Variants in SEMA6B observed in about 807,000 individuals in gnomAD.
SEMA6B encodes semaphorin-6B.
Under a neutral mutation model 78.6 loss-of-function variants are expected in SEMA6B, and 47 were observed. That is an observed-to-expected ratio of 0.60 (90% confidence interval 0.47 to 0.76). SEMA6B has a LOEUF of 0.76. Among genes scored for constraint, SEMA6B ranks in the 30% least tolerant of loss-of-function variants. SEMA6B has a pLI of 0.00. For synonymous variants in SEMA6B, 632 were observed against 592.2 expected, an observed-to-expected ratio of 1.07 and a Z score of -0.98; for missense variants, 1,213 against 1,269.9, an observed-to-expected ratio of 0.96 and a Z score of 0.68.
At position 4,558,172 on chromosome 19, in the gene SEMA6B, G is replaced by T. The variant is rs1183405706; in HGVS notation, c.122-23C>A. The stretch of plus-strand genomic sequence containing the variant: ...GGTCTGAGTGAGGGGGTGGAGAGGG[G>T]TGTGAGCAAGGGCTGGGGGTGAAGA... On this transcript the variant is annotated intron_variant, in intron 2 of 16. Coordinates refer to ENST00000586582, the MANE Select transcript of SEMA6B (RefSeq NM_032108.4). The surrounding 1 kb of genome is among the most constrained non-coding windows in gnomAD (Gnocchi z 5.1). 1 of 1,429,514 alleles carries T rather than the reference G, an allele frequency of 7.0e-7. No homozygotes were observed. The highest frequency in any genetic ancestry group is 2.4e-5 in the Admixed American group (1 of 42,494). The allele number at this position is 1,429,514 out of a possible 1,614,324, so 88.6% of individuals were successfully genotyped here.
At chr19:4,551,381 A>G (rs934183275) in intron 10 of SEMA6B, among the ~76,000 whole-genome samples, 38 of 151,496 alleles carry the variant, frequency 2.5e-4, no homozygotes, top group Non-Finnish European at 4.7e-4. Flanking sequence ...CACCACACCC[A>G]GCTAATTTTT....
In SEMA6B at chr19:4,550,259, C is replaced by T. The variant is rs529978613; in HGVS notation, c.1135G>A (p.Ala379Thr). Residue 379 changes from alanine to threonine, a missense_variant, in exon 12 of 17, where the codon GCA (alanine) becomes ACA (threonine). Coordinates refer to ENST00000586582, the MANE Select transcript of SEMA6B (RefSeq NM_032108.4). The surrounding 1 kb of genome is among the most constrained non-coding windows in gnomAD (Gnocchi z 6.6). ...QVPRPRPGCC[A>T]APGMQYNASS... Reference sequence around the variant, plus strand: ...GCATTGTACTGCATCCCGGGGGCTGCGCAGCACCCGGGCCTGGGGGTGACA... The same window carrying T: ...GCATTGTACTGCATCCCGGGGGCTGTGCAGCACCCGGGCCTGGGGGTGACA... 1.9e-4 allele frequency: 299 copies of T among 1,613,468 alleles called. No individual in the cohort carries two copies. The South Asian group carries it at 2.1e-3, about 11-fold the overall frequency.
In SEMA6B at chr19:4,543,764, G is replaced by A; in HGVS notation, c.2504C>T (p.Pro835Leu). ...CAGGGTGGCGGCCGGAGGGGCGTGGGGGCCCAGTGGCCTCCTCAGGCTGCC... is the reference window on the plus strand; with the variant it reads ...CAGGGTGGCGGCCGGAGGGGCGTGGAGGCCCAGTGGCCTCCTCAGGCTGCC... ...PTGSLRRPLG[P>L]HAPPAATLRR... is the part of the protein sequence containing the mutation. Residue 835 changes from proline (P) to leucine (L), a missense_variant, in exon 17 of 17, where the codon CCC becomes CTC. Coordinates refer to ENST00000586582, the MANE Select transcript of SEMA6B (RefSeq NM_032108.4). 1 of 1,225,038 alleles carries A rather than the reference G, an allele frequency of 8.2e-7. No homozygotes were observed. Among genetic ancestry groups the A allele is most frequent in the Non-Finnish European group, 1.0e-6 (1 of 983,682 alleles). 75.9% of individuals were successfully genotyped at this position (1,225,038 alleles called of 1,614,324 possible).
chr19:4,558,617 A>T lies in SEMA6B; in HGVS notation c.-32-128T>A, dbSNP rs1977540278. The T allele has an allele frequency of 2.2e-6, 1 of 450,774 alleles. No individual in the cohort carries two copies. Among genetic ancestry groups the T allele is most frequent in the Non-Finnish European group, 3.6e-6 (1 of 274,728 alleles). 27.9% of individuals were successfully genotyped at this position (450,774 alleles called of 1,614,324 possible). On this transcript the variant is annotated intron_variant, in intron 1 of 16. Transcript: ENST00000586582. The surrounding 1 kb of genome is among the most constrained non-coding windows in gnomAD (Gnocchi z 5.1). ...CTCACGGGGATAATAATTAATAAAA[A>T]CAATAATGGCAATAATAATAATAAT...
At chr19:4,545,631 C>T (rs1428100761) in intron 16 of SEMA6B, among the ~76,000 whole-genome samples, 11 of 152,332 alleles carry the variant, frequency 7.2e-5, no homozygotes, top group Middle Eastern at 3.4e-3. Flanking sequence ...GGAGCTGCCG[C>T]GCCTGGCCCC....
chr19:4,554,932 C>T (rs760666158), intron 8 of SEMA6B, 44 bp downstream of exon 8: 1 of 1,603,072 alleles, frequency 6.2e-7, no homozygotes, highest in Non-Finnish European at 8.5e-7. Flanking sequence ...ATGTCAGGTT[C>T]TGGGCCCTGC....
In SEMA6B at chr19:4,552,313, C is replaced by G; in HGVS notation, c.989+109G>C. The G allele has an allele frequency of 9.0e-7, 1 of 1,109,428 alleles. No homozygotes were observed. The highest frequency in any genetic ancestry group is 1.3e-6 in the Non-Finnish European group (1 of 777,700). 68.7% of individuals were successfully genotyped at this position (1,109,428 alleles called of 1,614,324 possible). A position where few individuals can be genotyped will look rare whatever the true frequency, so the allele number is the denominator to read the frequency against. On this transcript the variant is annotated intron_variant, in intron 10 of 16. Coordinates refer to ENST00000586582, the MANE Select transcript of SEMA6B (RefSeq NM_032108.4). The surrounding 1 kb of genome is among the most constrained non-coding windows in gnomAD (Gnocchi z 7.4). Reference sequence around the variant, plus strand: ...GGCCGAGGCCTCTCAGAGGTCTAATCCAGTGGTGCCCAACCTAGCACCCAG... The same window carrying G: ...GGCCGAGGCCTCTCAGAGGTCTAATGCAGTGGTGCCCAACCTAGCACCCAG...
intron 3 of SEMA6B, 63 bp downstream of exon 3, chr19:4,557,961 CCT>C (rs145128734): frequency 7.0e-5 from 88 of 1,262,424 alleles, no homozygotes; most frequent in South Asian, 4.2e-4. Context: ...GCCCTCGCCT[CCT>C]CTCTCTCTCC....
chr19:4,558,441 G>A lies in SEMA6B; in HGVS notation c.17C>T (p.Ala6Val), dbSNP rs1279959025. 4 of 1,250,694 alleles carry A rather than the reference G, an allele frequency of 3.2e-6. No homozygotes were observed. The highest frequency in any genetic ancestry group is 7.3e-5 in the South Asian group (2 of 27,518). The allele number at this position is 1,250,694 out of a possible 1,614,324, so 77.5% of individuals were successfully genotyped here. MQTPR[A>V]SPPRPALLLL... ...CAGCAGGGCCGGGCGGGGAGGGGACGCTCGCGGGGTCTGCATGGCGAGGGC... is the reference window on the plus strand; with the variant it reads ...CAGCAGGGCCGGGCGGGGAGGGGACACTCGCGGGGTCTGCATGGCGAGGGC... The change falls in exon 2 of 17, where the codon GCG (alanine) becomes GTG (valine). Residue 6 changes from alanine to valine, a missense_variant. Coordinates refer to ENST00000586582, the MANE Select transcript of SEMA6B (RefSeq NM_032108.4). This position sits in a 1 kb window ranked among gnomAD's most constrained non-coding sequence, Gnocchi z 5.1.
chr19:4,555,562 T>C lies in SEMA6B; in HGVS notation c.474A>G (p.Ile158Met). The change falls in exon 7 of 17, where the codon ATA becomes ATG. Residue 158 changes from isoleucine to methionine, a missense_variant and splice_region_variant. By Grantham distance (10) the Ile-to-Met change is conservative. Transcript: ENST00000586582. The surrounding 1 kb of genome is among the most constrained non-coding windows in gnomAD (Gnocchi z 6.1). ...TGTCTCCGACGGGCTGCAGGGTGTC[T>C]ATCTGCAGGGACCATGGGGCCTGAG... ...AFNPVCANYS[I>M]DTLQPVGDNI... 1 of 1,612,536 alleles carries C rather than the reference T, an allele frequency of 6.2e-7. No individual in the cohort carries two copies. Among genetic ancestry groups the C allele is most frequent in the Non-Finnish European group, 8.5e-7 (1 of 1,179,190 alleles).
intron 5 of SEMA6B, 36 bp downstream of exon 5, chr19:4,556,915 T>C (rs1268507299): frequency 2.5e-6 from 4 of 1,595,632 alleles, no homozygotes; most frequent in Non-Finnish European, 3.4e-6. Context: ...CCAGGGCTGA[T>C]TCGCAGGGGC....
intron 14 of SEMA6B, among the ~76,000 whole-genome samples, chr19:4,547,536 G>C (rs774297733): frequency 7.2e-5 from 11 of 152,142 alleles, no homozygotes; most frequent in Admixed American, 4.6e-4. Flanking sequence ...TGCCAGCACT[G>C]GCATGCATCC....
intron 9 of SEMA6B, among the ~76,000 whole-genome samples, chr19:4,553,953 A>G (rs1173684147): frequency 6.6e-6 from 1 of 152,028 alleles, no homozygotes; most frequent in East Asian, 1.9e-4. Flanking sequence ...GGATGAGTGC[A>G]CGGATGGATG....
chr19:4,553,506 GGA>G (rs1599780420), intron 9 of SEMA6B, among the ~76,000 whole-genome samples: 1 of 149,312 alleles, frequency 6.7e-6, no homozygotes, highest in African/African-American at 2.5e-5. Context: ...GTGTGTGGGT[GGA>G]TGGGCAGATA....
chr19:4,547,407 C>T (rs1477217380), intron 14 of SEMA6B, among the ~76,000 whole-genome samples: 1 of 152,198 alleles, frequency 6.6e-6, no homozygotes, highest in Non-Finnish European at 1.5e-5. Context: ...GAGATGGGAG[C>T]CCAGGCATCG....
chr19:4,555,064 G>A lies in SEMA6B; in HGVS notation c.594C>T (p.Asp198=), dbSNP rs1456618911. The A allele has an allele frequency of 6.2e-6, 10 of 1,613,840 alleles. No homozygotes were observed. Among genetic ancestry groups the A allele is most frequent in the East Asian group, 2.2e-5 (1 of 44,902 alleles). The change falls in exon 8 of 17, where the codon GAC becomes GAT. Residue 198 remains aspartate, a synonymous_variant. Transcript: ENST00000586582. The surrounding 1 kb of genome is among the most constrained non-coding windows in gnomAD (Gnocchi z 6.1). ...AGATGACAGCATCAATGGCTAGGAA[G>A]TCGGTAACAGTAGCTGTGAAGAGCA... ...DGMLFTATVT[D]FLAIDAVIYR...
rs528612222 is a variant in SEMA6B, at chr19:4,552,031, C to T, written c.989+391G>A. On this transcript the variant is annotated intron_variant, in intron 10 of 16. Transcript: ENST00000586582. The surrounding 1 kb of genome is among the most constrained non-coding windows in gnomAD (Gnocchi z 7.4). Reference sequence around the variant, plus strand: ...TGTGCATTCTCCCCTAGTTCCCTTCCCACACAGACTCTCTCACGATTACTT... The same window carrying T: ...TGTGCATTCTCCCCTAGTTCCCTTCTCACACAGACTCTCTCACGATTACTT... Among the ~76,000 whole-genome samples the T allele has an allele frequency of 3.3e-5, 5 of 152,260 alleles. No homozygotes were observed. In the East Asian group the frequency reaches 7.7e-4, roughly 24 times the overall value.
In SEMA6B at chr19:4,543,835, G is replaced by C; in HGVS notation, c.2433C>G (p.Ala811=). Reference sequence around the variant, plus strand: ...GCCGCGGGAGGCCATCGGCGGCTGAGGCTGGGTCCAAGGGGCCCGTGGGCG... The same window carrying C: ...GCCGCGGGAGGCCATCGGCGGCTGACGCTGGGTCCAAGGGGCCCGTGGGCG... The part of the protein sequence containing the change: ...VSAPTGPLDP[A]SAADGLPRPW... The change falls in exon 17 of 17, where the codon GCC becomes GCG. Residue 811 remains alanine, a synonymous_variant. Coordinates refer to ENST00000586582, the MANE Select transcript of SEMA6B (RefSeq NM_032108.4). The C allele has an allele frequency of 8.2e-7, 1 of 1,213,834 alleles. No homozygotes were observed. 75.2% of individuals were successfully genotyped at this position (1,213,834 alleles called of 1,614,324 possible).
intron 16 of SEMA6B, 117 bp downstream of exon 16, chr19:4,546,099 T>A: frequency 9.2e-7 from 1 of 1,091,810 alleles, no homozygotes; most frequent in Non-Finnish European, 1.3e-6. Context: ...AGTTCTCTGA[T>A]GGAGTCCAGT....
Sources: gnomAD v4.1 joint callset for allele counts (sites outside exome capture counted in the v4.1 genomes callset) on GRCh38, gnomAD v4.1.1 for gene constraint, Gnocchi (gnomAD v3.1) non-coding constraint, MANE v1.5 for transcripts, NCBI Gene and HGNC (gene_info 2026-07-23, HGNC 2026-07-21) for gene names.